The following MAMLD1 variants were observed in gnomAD, a reference collection of about 807,000 sequenced individuals.
MAMLD1 encodes the protein mastermind like domain containing 1.
MAMLD1 carries 14 observed loss-of-function variants against 45.0 expected under a neutral mutation model. The observed-to-expected ratio is 0.31, with a 90% CI of 0.21 to 0.49. MAMLD1 has a LOEUF of 0.49. Among genes scored for constraint, MAMLD1 ranks in the 20% least tolerant of loss-of-function variants. MAMLD1 has a pLI of 0.99. For synonymous variants in MAMLD1, 254 were observed against 247.8 expected (o/e 1.02, Z -0.24); for missense variants, 543 against 603.6 (o/e 0.90, Z 1.05).
intron 1 of MAMLD1, among the ~76,000 whole-genome samples, chrX:150,382,114 G>T (rs1036960399): frequency 9.0e-6 from 1 of 110,952 alleles, no homozygotes; most frequent in Non-Finnish European, 1.9e-5. Context: ...AAGTTTGATG[G>T]TTACACATTT....
chrX:150,437,853 C>T (rs782127523), intron 1 of MAMLD1, among the ~76,000 whole-genome samples: 1 of 111,817 alleles, frequency 8.9e-6, no homozygotes, highest in East Asian at 2.8e-4. Context: ...ATATCTACTT[C>T]CCTTCCATAC....
intron 1 of MAMLD1, among the ~76,000 whole-genome samples, chrX:150,382,504 G>C (rs141723342): frequency 9.0e-6 from 1 of 111,300 alleles, no homozygotes; most frequent in Non-Finnish European, 1.9e-5. Flanking sequence ...CCTTGTCTAC[G>C]TCTACAAAAA....
intron 1 of MAMLD1, among the ~76,000 whole-genome samples, chrX:150,387,724 AT>A (rs1290391603): frequency 4.5e-5 from 5 of 111,025 alleles, no homozygotes; most frequent in Non-Finnish European, 9.5e-5. Context: ...GCTTTCTGAG[AT>A]TTTTTTTATT....
intron 6 of MAMLD1, chrX:150,509,579 T>C (rs1557409028): frequency 4.9e-6 from 1 of 205,201 alleles, no homozygotes; most frequent in African/African-American, 3.0e-5. Context: ...TCCCTCCTTC[T>C]ACATACTCTG....
intron 1 of MAMLD1, among the ~76,000 whole-genome samples, chrX:150,397,493 T>C (rs1369353984): frequency 8.9e-6 from 1 of 111,753 alleles, no homozygotes; most frequent in Admixed American, 9.5e-5. Context: ...TAAGGTTTTA[T>C]TTCCTATTGT....
intron 5 of MAMLD1, among the ~76,000 whole-genome samples, 165 bp from the exon 6 acceptor site, chrX:150,503,109 G>A (rs2037613032): frequency 8.9e-6 from 1 of 112,281 alleles, no homozygotes; most frequent in Admixed American, 9.4e-5. Flanking sequence ...TATGACCCAA[G>A]ACAAGCTAAG....
chrX:150,421,897 C>T (rs1333954590), intron 1 of MAMLD1, among the ~76,000 whole-genome samples: 2 of 112,104 alleles, frequency 1.8e-5, no homozygotes, highest in East Asian at 5.6e-4. Flanking sequence ...AATCTGGAGG[C>T]GGTCTAAGAT....
rs782619121 is a variant in MAMLD1, at chrX:150,424,100, A to G, written c.-63-21354A>G. On this transcript the variant is annotated intron_variant, in intron 1 of 7. Transcript: ENST00000370401. ...CCAGAAAACTCTGTTCTCTGCCATA[A>G]TGGGAGGTCACTGTGTGCTGTTTGA... Among the ~76,000 whole-genome samples, 18 of 112,114 alleles carry G rather than the reference A, an allele frequency of 1.6e-4. No individual in the cohort carries two copies. The South Asian group carries it at 5.6e-3, about 35-fold the overall frequency.
chrX:150,371,957 G>A (rs1557401084), intron 1 of MAMLD1, among the ~76,000 whole-genome samples: 1 of 111,894 alleles, frequency 8.9e-6, no homozygotes, highest in East Asian at 2.8e-4. Context: ...CTTTCCTATG[G>A]GGACATAGTA....
intron 6 of MAMLD1, among the ~76,000 whole-genome samples, chrX:150,508,386 A>G (rs1401746823): frequency 1.1e-4 from 11 of 102,875 alleles, no homozygotes; most frequent in Middle Eastern, 4.2e-3. Flanking sequence ...CGCCTTGCCA[A>G]TGCTTTGGCA....
chrX:150,499,424 T>C (rs978866986), intron 5 of MAMLD1, among the ~76,000 whole-genome samples: 1 of 111,996 alleles, frequency 8.9e-6, no homozygotes, highest in Admixed American at 9.5e-5. Flanking sequence ...AGCCAGAGCA[T>C]TCATCCACTT....
At chrX:150,492,822 A>T (rs2037229478) in intron 5 of MAMLD1, among the ~76,000 whole-genome samples, 1 of 111,940 alleles carries the variant, frequency 8.9e-6, no homozygotes, top group South Asian at 3.7e-4. Flanking sequence ...TGAGCAAACC[A>T]TTGGGCCTCT....
intron 5 of MAMLD1, among the ~76,000 whole-genome samples, chrX:150,492,694 G>A (rs2037224418): frequency 8.9e-6 from 1 of 111,931 alleles, no homozygotes; most frequent in African/African-American, 3.3e-5. Flanking sequence ...TTCTTAGTGG[G>A]TGGCATTCCA....
chrX:150,501,743 T>G (rs149692171), intron 5 of MAMLD1, among the ~76,000 whole-genome samples: 2,665 of 112,309 alleles, frequency 0.024, 33 homozygotes, highest in Non-Finnish European at 0.038. Context: ...TGTCCGGAGG[T>G]CCACACCTCC....
At chrX:150,505,708 C>A (rs1349748504) in intron 6 of MAMLD1, among the ~76,000 whole-genome samples, 1 of 112,666 alleles carries the variant, frequency 8.9e-6, no homozygotes, top group African/African-American at 3.2e-5. Context: ...GTGGTCCTGC[C>A]TCCCTGCAGG....
At chrX:150,364,081 A>G (rs899628001) in intron 1 of MAMLD1, among the ~76,000 whole-genome samples, 11 of 112,109 alleles carry the variant, frequency 9.8e-5, no homozygotes, top group Middle Eastern at 4.6e-3. Context: ...TCCCCTGCCA[A>G]CTCCTGGGAA....
At chrX:150,455,417 T>TATTCAAG (rs2035822148) in intron 2 of MAMLD1, among the ~76,000 whole-genome samples, 2 of 112,254 alleles carry the variant, frequency 1.8e-5, no homozygotes, top group Non-Finnish European at 3.8e-5. Context: ...TAGCAAATGC[T>TATTCAAG]GCTGAGTAAA....
At chrX:150,489,811 G>C (rs1277340145) in intron 5 of MAMLD1, among the ~76,000 whole-genome samples, 1 of 110,806 alleles carries the variant, frequency 9.0e-6, no homozygotes, top group Non-Finnish European at 1.9e-5. Context: ...TGTACTGGGG[G>C]AAATGCCTGT....
At chrX:150,438,449 A>C (rs2035191617) in intron 1 of MAMLD1, among the ~76,000 whole-genome samples, 1 of 112,025 alleles carries the variant, frequency 8.9e-6, no homozygotes, top group African/African-American at 3.2e-5. Flanking sequence ...ACCTCTATCT[A>C]ATTTCTAAAC....
Sources: gnomAD v4.1 joint callset for allele counts (sites outside exome capture counted in the v4.1 genomes callset) on GRCh38, gnomAD v4.1.1 for gene constraint, MANE v1.5 for transcripts, NCBI Gene and HGNC (gene_info 2026-07-23, HGNC 2026-07-21) for gene names.